CSGALNACT1: variants seen among roughly 807,000 people sequenced by gnomAD.
CSGALNACT1 encodes chondroitin sulfate N-acetylgalactosaminyltransferase 1.
In CSGALNACT1, 52 loss-of-function variants were observed where a neutral mutation model predicts 51.0. That is an observed-to-expected ratio of 1.02 (90% CI 0.82 to 1.29). The LOEUF is 1.29. Ranked by LOEUF, CSGALNACT1 falls within the 50% of genes most tolerant of loss-of-function variation. The pLI, the probability that CSGALNACT1 is intolerant of heterozygous loss-of-function variation, is 0.00. For synonymous variants in CSGALNACT1, 341 were observed against 254.4 expected, an observed-to-expected ratio of 1.34 and a Z score of -3.24; for missense variants, 935 against 679.2, an observed-to-expected ratio of 1.38 and a Z score of -4.19.
chr8:19,751,782 T>A (rs1480888236), intron 1 of CSGALNACT1, among the ~76,000 whole-genome samples: 1 of 152,076 alleles, frequency 6.6e-6, no homozygotes, highest in African/African-American at 2.4e-5. Context: ...TGGCTCTCTC[T>A]CTCCTGTTGC....
rs115673518 is a variant in CSGALNACT1 at position 19,616,748 on chromosome 8, G to A, written c.-543-14883C>T. On this transcript the variant is annotated intron_variant, in intron 1 of 9. Coordinates refer to the CSGALNACT1 transcript ENST00000332246. ...ATCTGCTCCTGCCTCACCTTCCACC[G>A]TAAGTAAAAGCTCCCTGAGGCCTCC... Among the ~76,000 whole-genome samples, 1,299 of 152,122 alleles carry A rather than the reference G, an allele frequency of 8.5e-3. 16 individuals are homozygous for A. Among genetic ancestry groups the A allele is most frequent in the African/African-American group, 0.029 (1,206 of 41,490 alleles).
At chr8:19,608,636 C>A (rs1307723913) in intron 1 of CSGALNACT1, among the ~76,000 whole-genome samples, 1 of 152,214 alleles carries the variant, frequency 6.6e-6, no homozygotes, top group Non-Finnish European at 1.5e-5. Flanking sequence ...CTTAGGACAA[C>A]TGCCCAGAAC....
At chr8:19,542,623 G>T (rs1197431924) in intron 3 of CSGALNACT1, among the ~76,000 whole-genome samples, 1 of 152,136 alleles carries the variant, frequency 6.6e-6, no homozygotes, top group South Asian at 2.1e-4. Context: ...TTAAGAATCT[G>T]TGTAGAGATG....
intron 4 of CSGALNACT1, among the ~76,000 whole-genome samples, chr8:19,467,347 T>G (rs1198806634): frequency 6.6e-6 from 1 of 152,042 alleles, no homozygotes; most frequent in Non-Finnish European, 1.5e-5. Flanking sequence ...GGTCTCCATC[T>G]CCGGACCTCA....
chr8:19,596,847 A>T (rs1018766827), intron 2 of CSGALNACT1, among the ~76,000 whole-genome samples: 2 of 152,176 alleles, frequency 1.3e-5, no homozygotes, highest in Admixed American at 1.3e-4. Context: ...AATGAAATTT[A>T]CCATCTTAAC....
At chr8:19,672,670 G>C (rs781732147) in intron 1 of CSGALNACT1, among the ~76,000 whole-genome samples, 1 of 152,070 alleles carries the variant, frequency 6.6e-6, no homozygotes, top group African/African-American at 2.4e-5. Flanking sequence ...TAAATGAAAA[G>C]CATCTTTTTA....
intron 3 of CSGALNACT1, among the ~76,000 whole-genome samples, chr8:19,572,616 A>G (rs1209322639): frequency 6.6e-6 from 1 of 152,214 alleles, no homozygotes; most frequent in Non-Finnish European, 1.5e-5. Context: ...TAGTAGTTCA[A>G]ACTAATTCTA....
At chr8:19,622,084 G>C (rs1228275091) in intron 1 of CSGALNACT1, among the ~76,000 whole-genome samples, 1 of 152,184 alleles carries the variant, frequency 6.6e-6, no homozygotes, top group Non-Finnish European at 1.5e-5. Context: ...CTGGTTAACA[G>C]AATTTGGAAG....
At chr8:19,439,927 T>A (rs749214571) in exon 6 of CSGALNACT1, 1 of 1,613,722 alleles carries the variant, frequency 6.2e-7, no homozygotes, top group South Asian at 1.1e-5. Context: ...TCAATGCACA[T>A]CTCCCTGGAA....
chr8:19,504,189 G>A (rs1186816021), intron 4 of CSGALNACT1, among the ~76,000 whole-genome samples: 1 of 152,142 alleles, frequency 6.6e-6, no homozygotes, highest in East Asian at 1.9e-4. Context: ...CCATTCTCCT[G>A]CCTCAGCCTC....
intron 1 of CSGALNACT1, among the ~76,000 whole-genome samples, chr8:19,637,611 G>A (rs2056243671): frequency 6.6e-6 from 1 of 152,172 alleles, no homozygotes. Flanking sequence ...AATATTCCAT[G>A]CAAATTAAGT....
At chr8:19,484,270 G>GA (rs111462040) in intron 4 of CSGALNACT1, among the ~76,000 whole-genome samples, 1 of 151,828 alleles carries the variant, frequency 6.6e-6, no homozygotes, top group African/African-American at 2.4e-5. Context: ...CACCGAATAA[G>GA]AAAAAAATCA....
chr8:19,445,365 A>C (rs891180323), intron 5 of CSGALNACT1, among the ~76,000 whole-genome samples: 5 of 152,188 alleles, frequency 3.3e-5, no homozygotes, highest in Non-Finnish European at 5.9e-5. Flanking sequence ...TGTGAAGAAA[A>C]AGCATTCTCA....
intron 1 of CSGALNACT1, among the ~76,000 whole-genome samples, chr8:19,653,223 G>A (rs185525359): frequency 2.0e-5 from 3 of 152,144 alleles, no homozygotes; most frequent in African/African-American, 7.2e-5. Flanking sequence ...CCAATGGATG[G>A]TCACCTCCTG....
chr8:19,537,512 C>T (rs2084037427), intron 3 of CSGALNACT1, among the ~76,000 whole-genome samples: 1 of 152,198 alleles, frequency 6.6e-6, no homozygotes, highest in Non-Finnish European at 1.5e-5. Context: ...GACCACCCCA[C>T]TCAGCATAAA....
At chr8:19,505,359 A>G in exon 4 of CSGALNACT1, 1 of 1,614,188 alleles carries the variant, frequency 6.2e-7, no homozygotes, top group East Asian at 2.2e-5. Flanking sequence ...GCCAGTCTCC[A>G]GCTGGTACAC....
At chr8:19,668,327 C>T (rs879675532) in intron 1 of CSGALNACT1, among the ~76,000 whole-genome samples, 3 of 136,288 alleles carry the variant, frequency 2.2e-5, no homozygotes, top group Non-Finnish European at 3.2e-5. Flanking sequence ...CTGTCTTGCA[C>T]ATACATGCAC....
chr8:19,588,352 T>C (rs369739691), intron 3 of CSGALNACT1, among the ~76,000 whole-genome samples: 33 of 152,356 alleles, frequency 2.2e-4, no homozygotes, highest in African/African-American at 7.5e-4. Context: ...TAATATCATA[T>C]TCTAGCCAGT....
chr8:19,508,740 G>C (rs1374328920), intron 3 of CSGALNACT1, among the ~76,000 whole-genome samples: 3 of 152,220 alleles, frequency 2.0e-5, no homozygotes, highest in Admixed American at 6.5e-5. Flanking sequence ...TTGTTGTGTT[G>C]TGGAAACTTA....
Sources: gnomAD v4.1 joint callset for allele counts (sites outside exome capture counted in the v4.1 genomes callset) on GRCh38, gnomAD v4.1.1 for gene constraint, MANE v1.5 for transcripts, NCBI Gene and HGNC (gene_info 2026-07-23, HGNC 2026-07-21) for gene names.